Variants in ADGRV1 observed in about 807,000 individuals in gnomAD.
ADGRV1 encodes the protein G-protein coupled receptor 98.
In ADGRV1, 359 loss-of-function variants were observed where a neutral mutation model predicts 596.2. That is an observed-to-expected ratio of 0.60 (90% CI 0.55 to 0.66). ADGRV1 has a LOEUF of 0.66. Ranked by LOEUF, ADGRV1 falls within the 30% of genes least tolerant of loss-of-function variation. The pLI is 0.00. For missense variants in ADGRV1, 7,274 were observed against 7,575.6 expected, an observed-to-expected ratio of 0.96 and a Z score of 1.48; for synonymous variants, 2,681 against 2,679.2, an observed-to-expected ratio of 1.00 and a Z score of -0.02.
chr5:91,143,856 G>A (rs963306177), intron 87 of ADGRV1, among the ~76,000 whole-genome samples: 1 of 152,196 alleles, frequency 6.6e-6, no homozygotes, highest in Admixed American at 6.5e-5. Flanking sequence ...CCAGTGCTGA[G>A]CTGCCCTCAG....
intron 75 of ADGRV1, chr5:90,822,062 A>T (rs1763586108): frequency 6.5e-6 from 1 of 153,990 alleles, no homozygotes; most frequent in Admixed American, 6.5e-5. Context: ...GCTAGTAATC[A>T]GCGAGACTCT....
intron 83 of ADGRV1, among the ~76,000 whole-genome samples, chr5:90,891,565 T>C (rs1183563829): frequency 2.6e-5 from 4 of 151,930 alleles, no homozygotes. Flanking sequence ...CTTTTTCAGG[T>C]ACTGATAATC....
intron 87 of ADGRV1, among the ~76,000 whole-genome samples, chr5:91,118,093 G>A (rs1330948873): frequency 6.6e-6 from 1 of 152,100 alleles, no homozygotes; most frequent in Non-Finnish European, 1.5e-5. Context: ...ATGGCTTTAG[G>A]AAAGATGTGG....
intron 61 of ADGRV1, 70 bp from the exon 62 acceptor site, chr5:90,777,835 A>G: frequency 3.0e-6 from 4 of 1,353,042 alleles, no homozygotes; most frequent in Non-Finnish European, 3.0e-6. Context: ...CTGTTAAAAG[A>G]CAGAGAAAAT....
At chr5:90,578,605 A>G (rs1009366485) in intron 1 of ADGRV1, among the ~76,000 whole-genome samples, 3 of 152,188 alleles carry the variant, frequency 2.0e-5, no homozygotes, top group African/African-American at 4.8e-5. Context: ...AGGCTTTGGT[A>G]TCAGGATGAT....
intron 1 of ADGRV1, among the ~76,000 whole-genome samples, chr5:90,587,911 T>A (rs1758986468): frequency 6.6e-6 from 1 of 152,110 alleles, no homozygotes; most frequent in Non-Finnish European, 1.5e-5. Flanking sequence ...ATGTATAGTT[T>A]CAAAATATAT....
chr5:91,077,768 A>G (rs1338923890), intron 86 of ADGRV1, among the ~76,000 whole-genome samples: 2 of 152,222 alleles, frequency 1.3e-5, no homozygotes, highest in Admixed American at 6.5e-5. Context: ...TACCTGAACT[A>G]AATTTCAATA....
chr5:91,161,477 T>C (rs1179805582), intron 89 of ADGRV1, among the ~76,000 whole-genome samples: 3 of 151,322 alleles, frequency 2.0e-5, no homozygotes, highest in African/African-American at 7.3e-5. Flanking sequence ...AGGCCCAATG[T>C]TGCCTGATCT....
At chr5:90,740,687 G>A (rs1428171805) in intron 50 of ADGRV1, among the ~76,000 whole-genome samples, 1 of 152,160 alleles carries the variant, frequency 6.6e-6, no homozygotes, top group East Asian at 1.9e-4. Flanking sequence ...GTGACCTCAG[G>A]TGGTCTAGCC....
intron 89 of ADGRV1, among the ~76,000 whole-genome samples, chr5:91,156,233 G>T (rs1796468916): frequency 6.6e-6 from 1 of 152,132 alleles, no homozygotes; most frequent in African/African-American, 2.4e-5. Flanking sequence ...TGGGAGACTG[G>T]AAGGAGAGAG....
At chr5:90,743,479 T>TC (rs1335722155) in intron 50 of ADGRV1, among the ~76,000 whole-genome samples, 1 of 150,176 alleles carries the variant, frequency 6.7e-6, no homozygotes, top group African/African-American at 2.5e-5. Flanking sequence ...ATCTTTTTTT[T>TC]TTTTTTTTTT....
chr5:91,025,606 G>A (rs142055332), intron 85 of ADGRV1, among the ~76,000 whole-genome samples: 1 of 152,202 alleles, frequency 6.6e-6, no homozygotes, highest in East Asian at 1.9e-4. Flanking sequence ...ACTGCCACAG[G>A]CAAAAGACAT....
chr5:90,622,657 A>G lies in ADGRV1; in HGVS notation c.514A>G (p.Ile172Val). The G allele has an allele frequency of 1.3e-6, 2 of 1,557,256 alleles. No homozygotes were observed. The highest frequency in any genetic ancestry group is 1.7e-6 in the Non-Finnish European group (2 of 1,150,232). ...GRNESMPLTL[I>V]REKGTYGMVM... is the part of the protein sequence containing the mutation. ...AAATGAGTCTATGCCTCTTACTCTC[A>G]TCAGGGAAAAGGGAACCTATGGAAT... Residue 172 changes from isoleucine (I) to valine (V), a missense_variant, in exon 5 of 90, where the codon ATC (isoleucine) becomes GTC (valine). Ile to Val is a conservative substitution (Grantham distance 29). Transcript: ENST00000405460.
chr5:90,627,257 A>G lies in ADGRV1; in HGVS notation c.719A>G (p.Glu240Gly), dbSNP rs200939591. The G allele has an allele frequency of 1.5e-4, 237 of 1,587,572 alleles. 1 individual carries two copies. Among genetic ancestry groups the G allele is most frequent in the Non-Finnish European group, 1.9e-5 (22 of 1,165,902 alleles). ...EIFLIQLKSV[E>G]GGAEINTSRN... ...TTTTTAATTCAACTGAAAAGTGTAGAAGGAGGAGCTGAGATTAACACCTCT... is the reference window on the plus strand; with the variant it reads ...TTTTTAATTCAACTGAAAAGTGTAGGAGGAGGAGCTGAGATTAACACCTCT... Residue 240 changes from glutamate to glycine, a missense_variant, in exon 7 of 90, where the codon GAA (glutamate) becomes GGA (glycine). Glu to Gly is a moderately conservative substitution (Grantham distance 98). Transcript: ENST00000405460.
At chr5:90,957,270 GA>G (rs1777560126) in intron 83 of ADGRV1, among the ~76,000 whole-genome samples, 1 of 151,958 alleles carries the variant, frequency 6.6e-6, no homozygotes, top group Non-Finnish European at 1.5e-5. Context: ...TAAATATGAT[GA>G]AATAATATCT....
At chr5:90,690,748 T>G in intron 30 of ADGRV1, 49 bp from the exon 31 acceptor site, 1 of 1,552,084 alleles carries the variant, frequency 6.4e-7, no homozygotes, top group South Asian at 1.2e-5. Context: ...AACTGTTATC[T>G]CTGTTTCACT....
intron 86 of ADGRV1, among the ~76,000 whole-genome samples, chr5:91,101,545 A>G (rs1791376130): frequency 6.6e-6 from 1 of 152,208 alleles, no homozygotes; most frequent in South Asian, 2.1e-4. Context: ...TCTAAAACTC[A>G]GATAGCAAAG....
At chr5:90,607,699 C>G (rs1762274908) in intron 1 of ADGRV1, among the ~76,000 whole-genome samples, 2 of 152,140 alleles carry the variant, frequency 1.3e-5, no homozygotes, top group South Asian at 4.1e-4. Flanking sequence ...AAGTGGTTCA[C>G]TCGTTCACTG....
intron 83 of ADGRV1, among the ~76,000 whole-genome samples, chr5:90,918,085 A>G (rs1561937942): frequency 1.3e-5 from 2 of 152,128 alleles, no homozygotes; most frequent in Non-Finnish European, 2.9e-5. Flanking sequence ...TGACTGAGGC[A>G]TATTAGATCC....
Sources: gnomAD v4.1 joint callset for allele counts (sites outside exome capture counted in the v4.1 genomes callset) on GRCh38, gnomAD v4.1.1 for gene constraint, MANE v1.5 for transcripts, NCBI Gene and HGNC (gene_info 2026-07-23, HGNC 2026-07-21) for gene names.